Variants in PTPRD observed in about 807,000 individuals in gnomAD.
PTPRD encodes the protein receptor-type tyrosine-protein phosphatase delta.
In PTPRD, 34 loss-of-function variants were observed where a neutral mutation model predicts 214.5. The observed-to-expected ratio is 0.16, with a 90% CI of 0.12 to 0.21. The LOEUF (loss-of-function observed/expected upper bound fraction) is 0.21. PTPRD is among the 10% of genes least tolerant of loss of function. The probability of loss-of-function intolerance (pLI) is 1.00; values close to 1 mark genes in which losing one functional copy is unlikely to be tolerated. For missense variants in PTPRD, 2,545 were observed against 2,398.7 expected, an observed-to-expected ratio of 1.06 and a Z score of -1.27; for synonymous variants, 1,128 against 845.7, an observed-to-expected ratio of 1.33 and a Z score of -5.79.
intron 3 of PTPRD, among the ~76,000 whole-genome samples, chr9:10,132,033 T>A (rs2098893760): frequency 6.6e-6 from 1 of 152,148 alleles, no homozygotes; most frequent in East Asian, 1.9e-4. Context: ...ACTACAGTGA[T>A]AAAAGTAGAC....
chr9:9,291,398 G>A lies in PTPRD; in HGVS notation c.-203+106051C>T, dbSNP rs571336857. Among the ~76,000 whole-genome samples the A allele has an allele frequency of 3.3e-5, 5 of 151,522 alleles. No individual in the cohort carries two copies. The South Asian group carries it at 1.0e-3, about 31-fold the overall frequency. On this transcript the variant is annotated intron_variant, in intron 9 of 45. Coordinates refer to ENST00000381196, the MANE Select transcript of PTPRD (RefSeq NM_002839.4). ...GTCAGGCTTTCATGTCCTTGAAGAA[G>A]ATGCCCCCAACGGAGGTGCAAATAA... is the stretch of plus-strand genomic sequence containing the variant.
chr9:8,766,933 A>G lies in PTPRD; in HGVS notation c.-103-32987T>C, dbSNP rs905229322. ...CTTCATAGGTTTCGCATAAGGTCAT[A>G]GTTTTCAAGAACCTATCAACAATGT... On this transcript the variant is annotated intron_variant, in intron 11 of 45. Coordinates refer to ENST00000381196, the MANE Select transcript of PTPRD (RefSeq NM_002839.4). 4.9e-4 allele frequency among the ~76,000 whole-genome samples: 75 copies of G among 152,184 alleles called. 1 individual carries two copies. Among genetic ancestry groups the G allele is most frequent in the Non-Finnish European group, 1.3e-4 (9 of 68,038 alleles).
chr9:9,963,021 AAGT>A (rs1221681484), intron 4 of PTPRD, among the ~76,000 whole-genome samples: 1 of 152,012 alleles, frequency 6.6e-6, no homozygotes, highest in Non-Finnish European at 1.5e-5. Flanking sequence ...TATAAAGTAA[AAGT>A]AGTATTTAAA....
chr9:9,751,176 T>TAA (rs34108090), intron 6 of PTPRD, among the ~76,000 whole-genome samples: 1 of 149,964 alleles, frequency 6.7e-6, no homozygotes, highest in African/African-American at 2.4e-5. Flanking sequence ...GTATTGAACT[T>TAA]AAAAAAAATA....
In PTPRD at chr9:10,316,175, A is replaced by ACATATATATATG. The variant is rs1231727222; in HGVS notation, c.-545+24787_-545+24788insCATATATATATG. 2.2e-3 allele frequency among the ~76,000 whole-genome samples: 324 copies of ACATATATATATG among 147,210 alleles called. 3 individuals are homozygous for ACATATATATATG. Among genetic ancestry groups the ACATATATATATG allele is most frequent in the African/African-American group, 7.3e-3 (296 of 40,606 alleles). ...TATATATGTATATCTATGTATATATACATAGATATACATATATATAGACAC... is the reference window on the plus strand; with the variant it reads ...TATATATGTATATCTATGTATATATACATATATATATGCATAGATATACATATATATAGACAC... On this transcript the variant is annotated intron_variant, in intron 3 of 45. Transcript: ENST00000381196.
At chr9:9,940,080 C>A (rs557922857) in intron 4 of PTPRD, among the ~76,000 whole-genome samples, 1 of 152,176 alleles carries the variant, frequency 6.6e-6, no homozygotes, top group African/African-American at 2.4e-5. Context: ...AAAGTGTGGG[C>A]TGTATGTGGG....
intron 2 of PTPRD, among the ~76,000 whole-genome samples, chr9:10,575,126 G>A (rs1209002350): frequency 1.3e-5 from 2 of 151,856 alleles, no homozygotes; most frequent in African/African-American, 2.4e-5. Flanking sequence ...ATTTTCACTT[G>A]AAAACATAAA....
intron 11 of PTPRD, among the ~76,000 whole-genome samples, chr9:8,863,819 A>T (rs191847989): frequency 3.0e-3 from 453 of 152,278 alleles, no homozygotes; most frequent in Non-Finnish European, 4.6e-3. Flanking sequence ...TTTAACTTTC[A>T]TGGGTTTTGA....
intron 11 of PTPRD, among the ~76,000 whole-genome samples, chr9:8,750,813 G>C (rs554905516): frequency 6.6e-6 from 1 of 152,278 alleles, no homozygotes; most frequent in East Asian, 1.9e-4. Flanking sequence ...GGAGAGACTG[G>C]ATTGCATCTG....
At chr9:10,127,256 G>A (rs1416741391) in intron 3 of PTPRD, among the ~76,000 whole-genome samples, 1 of 152,104 alleles carries the variant, frequency 6.6e-6, no homozygotes, top group East Asian at 1.9e-4. Context: ...CAAGACCAAT[G>A]TCCTGAGTAT....
intron 8 of PTPRD, among the ~76,000 whole-genome samples, chr9:9,506,044 T>TAAATAA (rs1449006011): frequency 6.6e-6 from 1 of 151,436 alleles, no homozygotes; most frequent in Admixed American, 6.6e-5. Flanking sequence ...GCTTAAATGA[T>TAAATAA]AAATAAAAAT....
chr9:10,512,936 A>G (rs904313497), intron 2 of PTPRD, among the ~76,000 whole-genome samples: 17 of 152,252 alleles, frequency 1.1e-4, no homozygotes, highest in African/African-American at 3.9e-4. Flanking sequence ...AGAGGACTGA[A>G]ATTACTTATC....
intron 9 of PTPRD, among the ~76,000 whole-genome samples, chr9:9,381,321 G>A (rs933658821): frequency 2.7e-5 from 4 of 148,938 alleles, no homozygotes; most frequent in Non-Finnish European, 4.5e-5. Flanking sequence ...ACATTTATAC[G>A]ATTCAATTTT....
intron 12 of PTPRD, among the ~76,000 whole-genome samples, chr9:8,663,494 T>C (rs1041813668): frequency 7.9e-5 from 12 of 152,046 alleles, no homozygotes; most frequent in African/African-American, 2.9e-4. Flanking sequence ...TTTTTGTTGT[T>C]GTTATTTATT....
intron 2 of PTPRD, among the ~76,000 whole-genome samples, chr9:10,407,299 A>C (rs1336515487): frequency 6.6e-6 from 1 of 151,550 alleles, no homozygotes; most frequent in Admixed American, 6.6e-5. Context: ...TAATTGGATG[A>C]ATGTTATATA....
At chr9:9,673,439 A>G (rs1402004828) in intron 7 of PTPRD, among the ~76,000 whole-genome samples, 2 of 151,900 alleles carry the variant, frequency 1.3e-5, no homozygotes, top group Admixed American at 1.3e-4. Flanking sequence ...TAAGAAATGT[A>G]ACTCTTGAAA....
intron 5 of PTPRD, among the ~76,000 whole-genome samples, chr9:9,937,666 T>C (rs1001763312): frequency 6.6e-6 from 1 of 152,180 alleles, no homozygotes; most frequent in African/African-American, 2.4e-5. Flanking sequence ...GTATCTATTT[T>C]ATAGCATTTG....
intron 11 of PTPRD, among the ~76,000 whole-genome samples, chr9:8,808,075 C>T (rs1391106865): frequency 6.6e-6 from 1 of 152,154 alleles, no homozygotes; most frequent in Non-Finnish European, 1.5e-5. Context: ...ATTGATTTCC[C>T]CCTGCTCTTC....
intron 14 of PTPRD, among the ~76,000 whole-genome samples, chr9:8,627,995 C>T (rs1329002913): frequency 6.6e-6 from 1 of 151,864 alleles, no homozygotes; most frequent in African/African-American, 2.4e-5. Context: ...TTTTATAAGC[C>T]TTTTCAAGTA....
Sources: allele counts gnomAD v4.1 joint callset (sites outside exome capture counted in the v4.1 genomes callset), GRCh38; gene constraint gnomAD v4.1.1; transcripts MANE v1.5; gene names NCBI Gene and HGNC (gene_info 2026-07-23, HGNC 2026-07-21).